ZNF407: variants seen among roughly 807,000 people sequenced by gnomAD.
The protein encoded by ZNF407 is zinc finger protein 407.
In ZNF407, 17 loss-of-function variants were observed where a neutral mutation model predicts 131.2. That is an observed-to-expected ratio of 0.13 (90% CI 0.09 to 0.19). ZNF407 has a LOEUF of 0.19. Among genes scored for constraint, ZNF407 ranks in the 10% least tolerant of loss-of-function variants. The pLI is 1.00. For missense variants in ZNF407, 2,681 were observed against 2,830.6 expected (o/e 0.95, Z 1.20); for synonymous variants, 1,156 against 1,062.0 (o/e 1.09, Z -1.72).
intron 8 of ZNF407, among the ~76,000 whole-genome samples, chr18:75,041,113 G>T (rs1449174523): frequency 6.6e-6 from 1 of 152,172 alleles, no homozygotes; most frequent in African/African-American, 2.4e-5. Flanking sequence ...AGGTGTCAGT[G>T]CCCTGTGCAA....
intron 6 of ZNF407, among the ~76,000 whole-genome samples, chr18:74,885,158 A>G (rs1020745698): frequency 2.6e-5 from 4 of 152,196 alleles, no homozygotes; most frequent in Admixed American, 1.3e-4. Context: ...ATTATACAGC[A>G]ACCATAATCA....
intron 3 of ZNF407, among the ~76,000 whole-genome samples, chr18:74,661,060 G>A (rs548490441): frequency 3.3e-5 from 5 of 152,198 alleles, no homozygotes; most frequent in South Asian, 4.1e-4. Flanking sequence ...TTTACAAAAC[G>A]ATTTTCTTTG....
chr18:75,026,193 T>C (rs1181306202), intron 8 of ZNF407, among the ~76,000 whole-genome samples: 1 of 152,188 alleles, frequency 6.6e-6, no homozygotes, highest in Non-Finnish European at 1.5e-5. Context: ...CCCAAAAATG[T>C]TTACCTAAAA....
intron 4 of ZNF407, among the ~76,000 whole-genome samples, chr18:74,834,949 G>A (rs562819318): frequency 9.2e-5 from 14 of 152,062 alleles, no homozygotes; most frequent in Non-Finnish European, 1.2e-4. Flanking sequence ...TTTCCTTTTT[G>A]CTTCTTAGAT....
chr18:74,727,360 T>G (rs1177000254), intron 3 of ZNF407, among the ~76,000 whole-genome samples: 2 of 152,136 alleles, frequency 1.3e-5, no homozygotes, highest in African/African-American at 4.8e-5. Context: ...TGAGCCCTCT[T>G]CCACCACAGC....
rs563265761 is a variant in ZNF407, at chr18:74,813,018, G to A, written c.4877+31516G>A. 4.6e-5 allele frequency among the ~76,000 whole-genome samples: 7 copies of A among 152,126 alleles called. No individual in the cohort carries two copies. In the South Asian group the frequency reaches 1.2e-3, roughly 27 times the overall value. ...TCATCTCTTTGATGTGGTCATCATA[G>A]TTCTTTCAAGGTTTTTACTTATTTT... On this transcript the variant is annotated intron_variant, in intron 4 of 8. Transcript: ENST00000299687.
At chr18:74,603,295 C>G (rs1310417199) in intron 1 of ZNF407, among the ~76,000 whole-genome samples, 1 of 152,214 alleles carries the variant, frequency 6.6e-6, no homozygotes, top group African/African-American at 2.4e-5. Flanking sequence ...GAAGTCCCCC[C>G]TGCCCTTCAG....
chr18:74,947,080 C>G (rs897740389), intron 8 of ZNF407, among the ~76,000 whole-genome samples: 1 of 152,206 alleles, frequency 6.6e-6, no homozygotes, highest in African/African-American at 2.4e-5. Context: ...AGAAACCTAA[C>G]AGATGACCGC....
intron 3 of ZNF407, among the ~76,000 whole-genome samples, chr18:74,759,477 C>G (rs905019993): frequency 9.9e-5 from 15 of 151,976 alleles, no homozygotes; most frequent in Non-Finnish European, 1.5e-5. Context: ...AATATTATGT[C>G]CTTATTAATT....
intron 5 of ZNF407, among the ~76,000 whole-genome samples, chr18:74,879,177 A>C (rs540509483): frequency 6.6e-6 from 1 of 152,266 alleles, no homozygotes; most frequent in Admixed American, 6.5e-5. Context: ...CTTAAGAGGG[A>C]TTTTCTATGC....
intron 8 of ZNF407, among the ~76,000 whole-genome samples, chr18:74,964,484 A>G (rs1972386380): frequency 6.6e-6 from 1 of 152,010 alleles, no homozygotes; most frequent in Admixed American, 6.6e-5. Flanking sequence ...TCTTGTATGT[A>G]TAATACAATC....
intron 8 of ZNF407, among the ~76,000 whole-genome samples, chr18:75,018,668 T>G (rs58412581): frequency 6.6e-6 from 1 of 151,956 alleles, no homozygotes; most frequent in Non-Finnish European, 1.5e-5. Context: ...AAATCTGAAA[T>G]AAAAATTTTA....
chr18:74,901,805 A>G (rs1413816324), intron 7 of ZNF407, among the ~76,000 whole-genome samples: 1 of 152,210 alleles, frequency 6.6e-6, no homozygotes, highest in Non-Finnish European at 1.5e-5. Flanking sequence ...ACACATGCAC[A>G]CATATATTAT....
At chr18:75,061,325 G>A (rs1314394621) in intron 8 of ZNF407, 1 of 152,226 alleles carries the variant, frequency 6.6e-6, no homozygotes, top group Non-Finnish European at 1.5e-5. Flanking sequence ...TAGGAGGGAT[G>A]GAGTCGATTA....
chr18:74,889,297 T>C (rs1424420637), intron 6 of ZNF407, among the ~76,000 whole-genome samples: 1 of 152,172 alleles, frequency 6.6e-6, no homozygotes, highest in Non-Finnish European at 1.5e-5. Flanking sequence ...TGTCTGTCTA[T>C]TTACCTATGT....
At chr18:74,935,795 C>T (rs1028060780) in intron 8 of ZNF407, among the ~76,000 whole-genome samples, 17 of 152,038 alleles carry the variant, frequency 1.1e-4, no homozygotes, top group African/African-American at 3.9e-4. Flanking sequence ...TTGAATTGTG[C>T]GGCACATACA....
rs1395441916 is a variant in ZNF407 at position 74,703,814 on chromosome 18, A to G, written c.4802+62692A>G. On this transcript the variant is annotated intron_variant, in intron 3 of 8. Coordinates refer to ENST00000299687, the MANE Select transcript of ZNF407 (RefSeq NM_017757.3). This position sits in a 1 kb window ranked among gnomAD's most constrained non-coding sequence, Gnocchi z 4.1. ...AAATCCCCAGACTCTTTCTAAATAT[A>G]CAGTTTTGTTGATTAATTAATCATT... Among the ~76,000 whole-genome samples the G allele has an allele frequency of 3.3e-5, 5 of 151,718 alleles. No homozygotes were observed. Among genetic ancestry groups the G allele is most frequent in the Non-Finnish European group, 7.4e-5 (5 of 67,688 alleles).
At chr18:74,736,042 T>C (rs151150143) in intron 3 of ZNF407, among the ~76,000 whole-genome samples, 17 of 152,356 alleles carry the variant, frequency 1.1e-4, no homozygotes, top group Admixed American at 1.0e-3. Flanking sequence ...TCACTCTCAT[T>C]TGCATGATAG....
chr18:74,837,021 T>A (rs1252746818), intron 4 of ZNF407, among the ~76,000 whole-genome samples: 2 of 152,212 alleles, frequency 1.3e-5, no homozygotes, highest in African/African-American at 4.8e-5. Context: ...ATTCTGAATT[T>A]CCTTCCAGAA....
Sources: allele counts gnomAD v4.1 joint callset (sites outside exome capture counted in the v4.1 genomes callset), GRCh38; gene constraint gnomAD v4.1.1; non-coding constraint Gnocchi (gnomAD v3.1); transcripts MANE v1.5; gene names NCBI Gene and HGNC (gene_info 2026-07-23, HGNC 2026-07-21).